Variants in RBFOX1 observed in about 807,000 individuals in gnomAD.
RBFOX1 encodes RNA binding fox-1 homolog 1.
In RBFOX1, 8 loss-of-function variants were observed where a neutral mutation model predicts 57.7. The ratio of observed to expected loss-of-function variants is 0.14; its 90% confidence interval spans 0.08 to 0.25. RBFOX1 has a LOEUF of 0.25. Ranked by LOEUF, RBFOX1 falls within the 10% of genes least tolerant of loss-of-function variation. The pLI is 1.00. For synonymous variants in RBFOX1, 326 were observed against 222.4 expected (o/e 1.47, Z -4.15); for missense variants, 611 against 548.5 (o/e 1.11, Z -1.14).
intron 4 of RBFOX1, among the ~76,000 whole-genome samples, chr16:7,203,556 C>A (rs1397585880): frequency 6.6e-6 from 1 of 152,198 alleles, no homozygotes; most frequent in Non-Finnish European, 1.5e-5. Context: ...ATTTGTGTTA[C>A]CACTGTGAGG....
intron 3 of RBFOX1, among the ~76,000 whole-genome samples, chr16:6,697,918 C>CT (rs988683435): frequency 6.6e-6 from 1 of 152,090 alleles, no homozygotes; most frequent in African/African-American, 2.4e-5. Flanking sequence ...CCAAAAGTCT[C>CT]TTTTTTTAAA....
At chr16:7,455,289 C>G (rs1567254512) in intron 4 of RBFOX1, among the ~76,000 whole-genome samples, 1 of 152,126 alleles carries the variant, frequency 6.6e-6, no homozygotes. Context: ...ATCACCCTCC[C>G]TATATTGAGA....
intron 2 of RBFOX1, among the ~76,000 whole-genome samples, chr16:6,474,265 GAATAGT>G (rs2095238344): frequency 6.6e-6 from 1 of 152,120 alleles, no homozygotes; most frequent in South Asian, 2.1e-4. Context: ...CGATGTGAGG[GAATAGT>G]AATTCATCCC....
intron 3 of RBFOX1, among the ~76,000 whole-genome samples, chr16:5,630,360 GGGA>G (rs1030686217): frequency 2.4e-4 from 36 of 152,268 alleles, no homozygotes; most frequent in African/African-American, 8.7e-4. Context: ...AGGAGGCTGA[GGGA>G]GGAGAATCGT....
chr16:7,072,076 C>T (rs1251367349), intron 4 of RBFOX1, among the ~76,000 whole-genome samples: 1 of 152,132 alleles, frequency 6.6e-6, no homozygotes, highest in Non-Finnish European at 1.5e-5. Context: ...ACTTTCTGAC[C>T]CGTTCTCTAG....
chr16:6,578,936 G>A (rs1272715019), intron 2 of RBFOX1, among the ~76,000 whole-genome samples: 1 of 151,992 alleles, frequency 6.6e-6, no homozygotes, highest in Non-Finnish European at 1.5e-5. Flanking sequence ...TGGGTACAGT[G>A]TACAAATTAC....
At chr16:5,953,726 A>AT (rs149991246) in intron 4 of RBFOX1, among the ~76,000 whole-genome samples, 31,833 of 105,720 alleles carry the variant, frequency 0.3, 4,091 homozygotes, top group Middle Eastern at 0.48. Context: ...ATATATATAT[A>AT]AAAAACACAT....
chr16:5,512,455 T>G (rs2043632858), intron 2 of RBFOX1, among the ~76,000 whole-genome samples: 5 of 151,642 alleles, frequency 3.3e-5, no homozygotes, highest in African/African-American at 1.2e-4. Flanking sequence ...TCTTCTTTCA[T>G]TATGTGGATA....
intron 3 of RBFOX1, among the ~76,000 whole-genome samples, chr16:5,654,413 C>G (rs182330870): frequency 1.3e-5 from 2 of 152,250 alleles, no homozygotes; most frequent in East Asian, 3.9e-4. Context: ...CATTTCAAAT[C>G]AGGACTCCCC....
At chr16:7,701,059 C>T (rs142389516) in intron 14 of RBFOX1, among the ~76,000 whole-genome samples, 42 of 152,210 alleles carry the variant, frequency 2.8e-4, no homozygotes, top group African/African-American at 9.4e-4. Context: ...CCTCCTACTT[C>T]TCAGGGGAGG....
chr16:7,540,763 C>A (rs1026240328), intron 5 of RBFOX1, among the ~76,000 whole-genome samples: 4 of 152,182 alleles, frequency 2.6e-5, no homozygotes, highest in East Asian at 1.9e-4. Flanking sequence ...GAAGGGAGTT[C>A]ATGTTGTCAT....
rs566489823 is a variant in RBFOX1, at chr16:7,251,411, T to G, written c.27+199313T>G. Among the ~76,000 whole-genome samples, 34 of 147,082 alleles carry G rather than the reference T, an allele frequency of 2.3e-4. No individual in the cohort carries two copies. The East Asian group carries it at 6.7e-3, about 29-fold the overall frequency. On this transcript the variant is annotated intron_variant, in intron 4 of 15. Transcript: ENST00000550418. The stretch of plus-strand genomic sequence containing the variant: ...ACAGAGCATACTTCTGTCCGTTTTT[T>G]TTTTTTTTTTCTGTGGGGGATGGAG...
chr16:5,391,662 A>G (rs969260947), intron 1 of RBFOX1, among the ~76,000 whole-genome samples: 11 of 152,102 alleles, frequency 7.2e-5, no homozygotes, highest in African/African-American at 2.7e-4. Context: ...CAACTTCAGG[A>G]GAGCTCAGGT....
intron 4 of RBFOX1, among the ~76,000 whole-genome samples, chr16:7,387,887 T>A (rs2097911414): frequency 6.6e-6 from 1 of 152,250 alleles, no homozygotes; most frequent in Non-Finnish European, 1.5e-5. Flanking sequence ...AGCTTTGTTT[T>A]TGTGCTGTCT....
intron 2 of RBFOX1, among the ~76,000 whole-genome samples, chr16:6,618,398 ATTAT>A (rs941566669): frequency 2.0e-5 from 3 of 152,208 alleles, no homozygotes; most frequent in Admixed American, 2.0e-4. Flanking sequence ...AGGGACTGTC[ATTAT>A]TTATAGAAGA....
At chr16:7,223,431 T>C (rs543436771) in intron 4 of RBFOX1, among the ~76,000 whole-genome samples, 3 of 152,332 alleles carry the variant, frequency 2.0e-5, no homozygotes, top group South Asian at 4.1e-4. Context: ...AATCAAAATG[T>C]ATATTCCATT....
chr16:5,749,899 T>C (rs2053129238), intron 3 of RBFOX1, among the ~76,000 whole-genome samples: 1 of 152,226 alleles, frequency 6.6e-6, no homozygotes, highest in Admixed American at 6.5e-5. Flanking sequence ...CTTTTTTCCA[T>C]TGCTGGTGAG....
intron 4 of RBFOX1, among the ~76,000 whole-genome samples, chr16:7,401,529 A>T (rs1242950883): frequency 6.6e-6 from 1 of 152,216 alleles, no homozygotes; most frequent in East Asian, 1.9e-4. Context: ...AAATAAAAAG[A>T]TAGAAAAATA....
intron 3 of RBFOX1, among the ~76,000 whole-genome samples, chr16:6,952,803 C>G (rs563733921): frequency 1.3e-5 from 2 of 152,020 alleles, no homozygotes; most frequent in African/African-American, 4.8e-5. Flanking sequence ...TGGTGAAACC[C>G]CATCTCTACT....
Sources: allele counts gnomAD v4.1 joint callset (sites outside exome capture counted in the v4.1 genomes callset), GRCh38; gene constraint gnomAD v4.1.1; transcripts MANE v1.5; gene names NCBI Gene and HGNC (gene_info 2026-07-23, HGNC 2026-07-21).